Variants in RSF1 observed in about 807,000 individuals in gnomAD.
RSF1 encodes the protein remodeling and spacing factor 1.
In RSF1, 13 loss-of-function variants were observed where a neutral mutation model predicts 145.2. The ratio of observed to expected loss-of-function variants is 0.09; its 90% confidence interval spans 0.06 to 0.14. The LOEUF is 0.14. RSF1 is among the 10% of genes least tolerant of loss of function. The pLI is 1.00. For missense variants in RSF1, 1,517 were observed against 1,718.2 expected, an observed-to-expected ratio of 0.88 and a Z score of 2.07; for synonymous variants, 577 against 592.6, an observed-to-expected ratio of 0.97 and a Z score of 0.38.
chr11:77,821,809 G>A (rs1948917826), upstream of RSF1, among the ~76,000 whole-genome samples: 2 of 152,176 alleles, frequency 1.3e-5, no homozygotes, highest in Non-Finnish European at 2.9e-5. Flanking sequence ...AGCCTGAGAA[G>A]CAGCAGTACA....
chr11:77,713,589 T>C (rs1960738689), intron 5 of RSF1, among the ~76,000 whole-genome samples: 1 of 152,252 alleles, frequency 6.6e-6, no homozygotes, highest in East Asian at 1.9e-4. Context: ...TTTAGTTATT[T>C]ATCTGTCCCC....
Position 77,807,975 on chromosome 11 carries a change from A to G in RSF1, c.187+12553T>C, listed in dbSNP as rs1364221619. On this transcript the variant is annotated intron_variant, in intron 1 of 15. Transcript: ENST00000308488. ...TGTATAGGTACAGGAGACGAAGTCT[A>G]ATTTCCAAAATATTCAAGAAGAAAA... Among the ~76,000 whole-genome samples the G allele has an allele frequency of 3.3e-5, 5 of 152,322 alleles. No homozygotes were observed. The East Asian group carries it at 9.6e-4, about 29-fold the overall frequency.
At chr11:77,794,754 G>A (rs1395311544) in intron 1 of RSF1, among the ~76,000 whole-genome samples, 1 of 152,090 alleles carries the variant, frequency 6.6e-6, no homozygotes, top group African/African-American at 2.4e-5. Flanking sequence ...TACTGAATAT[G>A]TACAAGTTGA....
In RSF1 at chr11:77,820,520, T is replaced by C. The variant is rs778818302; in HGVS notation, c.187+8A>G. On this transcript the variant is annotated splice_region_variant and intron_variant, in intron 1 of 15. Transcript: ENST00000308488. ...GCTTCCCGCCGGGCGTTCGGGCCCC[T>C]CGCTTACCTTCTCCGTTGCCGACGT... The C allele has an allele frequency of 6.5e-7, 1 of 1,547,158 alleles. No individual in the cohort carries two copies. Among genetic ancestry groups the C allele is most frequent in the South Asian group, 1.2e-5 (1 of 83,916 alleles).
chr11:77,683,218 G>A (rs1480757486), intron 11 of RSF1, among the ~76,000 whole-genome samples: 1 of 152,180 alleles, frequency 6.6e-6, no homozygotes, highest in Admixed American at 6.5e-5. Context: ...TTGAACCCGA[G>A]AGGTGGAGGT....
chr11:77,717,243 G>T (rs1464772503), intron 5 of RSF1, among the ~76,000 whole-genome samples: 1 of 151,764 alleles, frequency 6.6e-6, no homozygotes, highest in East Asian at 1.9e-4. Context: ...CAGGATAAGG[G>T]TGTCACCCTT....
chr11:77,794,998 C>T (rs7931215), intron 1 of RSF1, among the ~76,000 whole-genome samples: 26,221 of 151,904 alleles, frequency 0.17, 2,783 homozygotes, highest in African/African-American at 0.28. Flanking sequence ...TCAGTAATGC[C>T]GCAAGAGACA....
At chr11:77,821,484 GA>G (rs1263104468), upstream of RSF1, among the ~76,000 whole-genome samples, 1 of 152,102 alleles carries the variant, frequency 6.6e-6, no homozygotes. Flanking sequence ...AGCTTTGCTG[GA>G]AAAGCAGGAT....
chr11:77,869,775 A>G, the RSF1 span: 2 of 1,614,042 alleles, frequency 1.2e-6, no homozygotes, highest in Non-Finnish European at 1.7e-6. Context: ...AGAAGGGTGT[A>G]CAGACTCTTG....
chr11:77,835,538 C>CA, the RSF1 span, among the ~76,000 whole-genome samples: 1 of 152,206 alleles, frequency 6.6e-6, no homozygotes, highest in Non-Finnish European at 1.5e-5. Context: ...AAAAAAGCAG[C>CA]AGTGACATTT....
intron 1 of RSF1, among the ~76,000 whole-genome samples, chr11:77,780,986 T>C (rs1450216808): frequency 2.6e-5 from 4 of 152,226 alleles, no homozygotes; most frequent in Non-Finnish European, 5.9e-5. Context: ...TCTTTTTGTC[T>C]GGCTTTTTTG....
At chr11:77,719,119 TGCCTGTAGTCCCA>T (rs1960886618) in intron 5 of RSF1, among the ~76,000 whole-genome samples, 2 of 152,126 alleles carry the variant, frequency 1.3e-5, no homozygotes, top group South Asian at 4.2e-4. Context: ...TGGTAGCATG[TGCCTGTAGTCCCA>T]GCGAGGCAGG....
At chr11:77,704,124 T>C (rs1408795950) in intron 5 of RSF1, among the ~76,000 whole-genome samples, 1 of 152,164 alleles carries the variant, frequency 6.6e-6, no homozygotes, top group Non-Finnish European at 1.5e-5. Context: ...TGAAACTCTG[T>C]CTCTACAAAA....
chr11:77,850,105 CTG>C, the RSF1 span, among the ~76,000 whole-genome samples: 4 of 152,192 alleles, frequency 2.6e-5, no homozygotes, highest in Non-Finnish European at 4.4e-5. Flanking sequence ...ATTAAACAAA[CTG>C]TTTTTATCCT....
chr11:77,735,317 T>C (rs1403808006), intron 4 of RSF1, among the ~76,000 whole-genome samples: 13 of 152,226 alleles, frequency 8.5e-5, no homozygotes, highest in Non-Finnish European at 1.9e-4. Context: ...GGTGATGTCA[T>C]GGTATGAAAT....
rs904306884 is a variant in RSF1, at chr11:77,801,229, GACCAGCCTGGTCAACATGGTGAA to G, written c.187+19276_187+19298del. On this transcript the variant is annotated intron_variant, in intron 1 of 15. Coordinates refer to ENST00000308488, the MANE Select transcript of RSF1 (RefSeq NM_016578.4). Reference sequence around the variant, plus strand: ...GATCACCTGAGGTCAGGAGTTTTGAGACCAGCCTGGTCAACATGGTGAAACCCCAACTCTACTAAAGATACAAA... The same window carrying G: ...GATCACCTGAGGTCAGGAGTTTTGAGACCCCAACTCTACTAAAGATACAAA... 2.8e-4 allele frequency among the ~76,000 whole-genome samples: 43 copies of G among 152,258 alleles called. 1 individual carries two copies. In the South Asian group the frequency reaches 3.7e-3, roughly 13 times the overall value.
intron 1 of RSF1, among the ~76,000 whole-genome samples, chr11:77,772,848 G>GAAAAAA (rs1161762028): frequency 1.2e-5 from 1 of 85,194 alleles, no homozygotes; most frequent in Non-Finnish European, 2.2e-5. Flanking sequence ...GCCCAAGATG[G>GAAAAAA]AAAAAAAAAA....
chr11:77,746,171 C>T (rs888976161), intron 3 of RSF1, among the ~76,000 whole-genome samples: 1 of 152,070 alleles, frequency 6.6e-6, no homozygotes, highest in African/African-American at 2.4e-5. Flanking sequence ...CAAGGAATCA[C>T]AATTACCCCC....
the RSF1 span, among the ~76,000 whole-genome samples, chr11:77,861,620 T>A: frequency 1.3e-5 from 2 of 152,208 alleles, no homozygotes; most frequent in Non-Finnish European, 2.9e-5. Context: ...TCCCTTGACA[T>A]AACGGGCATG....
Sources: gnomAD v4.1 joint callset for allele counts (sites outside exome capture counted in the v4.1 genomes callset) on GRCh38, gnomAD v4.1.1 for gene constraint, MANE v1.5 for transcripts, NCBI Gene and HGNC (gene_info 2026-07-23, HGNC 2026-07-21) for gene names.